ANKS1B: variants seen among roughly 807,000 people sequenced by gnomAD.
ANKS1B encodes the protein ankyrin repeat and sterile alpha motif domain containing 1B.
In ANKS1B, 36 loss-of-function variants were observed where a neutral mutation model predicts 148.3. That is an observed-to-expected ratio of 0.24 (90% CI 0.19 to 0.32). The LOEUF (loss-of-function observed/expected upper bound fraction) is 0.32, where lower values mean the gene tolerates loss of function less well. Among genes scored for constraint, ANKS1B ranks in the 10% least tolerant of loss-of-function variants. The pLI, the probability that ANKS1B is intolerant of heterozygous loss-of-function variation, is 1.00. For missense variants in ANKS1B, 1,157 were observed against 1,542.6 expected, an observed-to-expected ratio of 0.75 and a Z score of 4.19; for synonymous variants, 542 against 560.8, an observed-to-expected ratio of 0.97 and a Z score of 0.47.
chr12:98,917,342 T>C (rs947822531), intron 17 of ANKS1B, among the ~76,000 whole-genome samples: 6 of 152,116 alleles, frequency 3.9e-5, no homozygotes, highest in Admixed American at 6.6e-5. Flanking sequence ...CCCCACCCTA[T>C]GCTACCCTCA....
chr12:99,581,033 T>C (rs1482240387), intron 9 of ANKS1B, among the ~76,000 whole-genome samples: 2 of 152,166 alleles, frequency 1.3e-5, no homozygotes, highest in Non-Finnish European at 2.9e-5. Flanking sequence ...CTATAATTTC[T>C]ATATATTATA....
chr12:99,487,453 A>G (rs904919900), intron 10 of ANKS1B, among the ~76,000 whole-genome samples: 10 of 152,286 alleles, frequency 6.6e-5, no homozygotes, highest in African/African-American at 2.2e-4. Flanking sequence ...CTGAGCTTTG[A>G]GCATTGCTTA....
chr12:98,891,143 C>G (rs1466494298), intron 17 of ANKS1B, among the ~76,000 whole-genome samples: 1 of 152,150 alleles, frequency 6.6e-6, no homozygotes, highest in Non-Finnish European at 1.5e-5. Context: ...AACAAACACA[C>G]TATAAAGAAT....
intron 1 of ANKS1B, among the ~76,000 whole-genome samples, chr12:99,971,508 T>C (rs1026531182): frequency 6.6e-6 from 1 of 151,972 alleles, no homozygotes; most frequent in Non-Finnish European, 1.5e-5. Context: ...CTAGATACTA[T>C]ATTTAGTATA....
At chr12:99,727,708 C>T (rs978489548) in intron 8 of ANKS1B, among the ~76,000 whole-genome samples, 2 of 152,090 alleles carry the variant, frequency 1.3e-5, no homozygotes, top group African/African-American at 4.8e-5. Flanking sequence ...AAGAACAAAG[C>T]AGGAGGCATC....
chr12:99,570,680 A>G (rs1034767702), intron 9 of ANKS1B, among the ~76,000 whole-genome samples: 1 of 151,646 alleles, frequency 6.6e-6, no homozygotes, highest in African/African-American at 2.4e-5. Context: ...ATGAAACAAG[A>G]TTGGCAAAAT....
intron 8 of ANKS1B, among the ~76,000 whole-genome samples, chr12:99,671,196 G>A (rs1000736072): frequency 3.3e-5 from 5 of 152,110 alleles, no homozygotes; most frequent in African/African-American, 1.2e-4. Context: ...CCTGCAAGAT[G>A]ACTAGCACAG....
intron 11 of ANKS1B, among the ~76,000 whole-genome samples, chr12:99,417,339 A>G (rs1340939758): frequency 6.6e-6 from 1 of 152,180 alleles, no homozygotes; most frequent in Non-Finnish European, 1.5e-5. Flanking sequence ...TACCTTTGTC[A>G]AATAGCAGTC....
At chr12:99,509,987 TAAATG>T in intron 9 of ANKS1B, among the ~76,000 whole-genome samples, 1 of 152,156 alleles carries the variant, frequency 6.6e-6, no homozygotes, top group Non-Finnish European at 1.5e-5. Flanking sequence ...CTATGCTCTA[TAAATG>T]AAACAACAAA....
At chr12:99,303,863 A>G (rs1391944391) in intron 12 of ANKS1B, among the ~76,000 whole-genome samples, 2 of 152,218 alleles carry the variant, frequency 1.3e-5, no homozygotes, top group East Asian at 1.9e-4. Context: ...CCCACATATA[A>G]GTGAGAACAT....
At chr12:98,875,599 C>T (rs2099686857) in intron 17 of ANKS1B, among the ~76,000 whole-genome samples, 1 of 152,120 alleles carries the variant, frequency 6.6e-6, no homozygotes, top group African/African-American at 2.4e-5. Context: ...TCTTTCCACT[C>T]TTGTTTCTTT....
chr12:99,556,862 ATTGTGTGG>A, intron 9 of ANKS1B, among the ~76,000 whole-genome samples: 1 of 152,184 alleles, frequency 6.6e-6, no homozygotes, highest in East Asian at 1.9e-4. Flanking sequence ...TTTCTGGCCG[ATTGTGTGG>A]TTGCTTTTAG....
intron 17 of ANKS1B, among the ~76,000 whole-genome samples, chr12:98,990,999 A>G (rs1012732459): frequency 4.6e-5 from 7 of 152,194 alleles, no homozygotes. Context: ...TAGAGGAGCA[A>G]TTCAAAAGGC....
At chr12:99,765,170 C>T (rs886675834) in intron 8 of ANKS1B, among the ~76,000 whole-genome samples, 4 of 152,180 alleles carry the variant, frequency 2.6e-5, no homozygotes, top group Admixed American at 6.5e-5. Context: ...GACTTTACTC[C>T]TGATTCCCAC....
chr12:99,600,587 TGTC>T (rs1238322342), intron 9 of ANKS1B, among the ~76,000 whole-genome samples: 1 of 152,006 alleles, frequency 6.6e-6, no homozygotes, highest in East Asian at 1.9e-4. Flanking sequence ...TTCATAGACA[TGTC>T]GTTCCAGGCC....
At chr12:99,496,014 A>T (rs1408634195) in intron 10 of ANKS1B, among the ~76,000 whole-genome samples, 1 of 152,220 alleles carries the variant, frequency 6.6e-6, no homozygotes, top group Non-Finnish European at 1.5e-5. Context: ...TAGCAAATTG[A>T]ACAGAGGTAA....
At chr12:99,938,973 T>C (rs1451098329) in intron 1 of ANKS1B, among the ~76,000 whole-genome samples, 2 of 152,202 alleles carry the variant, frequency 1.3e-5, no homozygotes, top group South Asian at 2.1e-4. Flanking sequence ...AGTAAAAATA[T>C]ATGCCTCCTA....
intron 4 of ANKS1B, among the ~76,000 whole-genome samples, chr12:99,800,674 G>T (rs1454381413): frequency 6.6e-6 from 1 of 152,106 alleles, no homozygotes; most frequent in Non-Finnish European, 1.5e-5. Context: ...AAATGGGAAA[G>T]ACTTGGTGAT....
At chr12:99,223,508 A>C (rs2153940754) in intron 14 of ANKS1B, among the ~76,000 whole-genome samples, 1 of 152,112 alleles carries the variant, frequency 6.6e-6, no homozygotes, top group Middle Eastern at 3.4e-3. Context: ...ATCAGGCATT[A>C]GATTCTCATA....
Sources: gnomAD v4.1 joint callset for allele counts (sites outside exome capture counted in the v4.1 genomes callset) on GRCh38, gnomAD v4.1.1 for gene constraint, MANE v1.5 for transcripts, NCBI Gene and HGNC (gene_info 2026-07-23, HGNC 2026-07-21) for gene names.